SBF2: variants seen among roughly 807,000 people sequenced by gnomAD.
SBF2 encodes SET binding factor 2.
SBF2 carries 112 observed loss-of-function variants against 225.2 expected under a neutral mutation model. That is an observed-to-expected ratio of 0.50 (90% CI 0.43 to 0.58). The LOEUF is 0.58. Among genes scored for constraint, SBF2 ranks in the 20% least tolerant of loss-of-function variants. The pLI, the probability that SBF2 is intolerant of heterozygous loss-of-function variation, is 0.00. For synonymous variants in SBF2, 763 were observed against 773.3 expected (o/e 0.99, Z 0.22); for missense variants, 1,996 against 2,206.2 (o/e 0.90, Z 1.91).
At chr11:10,195,361 G>T (rs944735646) in intron 1 of SBF2, among the ~76,000 whole-genome samples, 1 of 152,166 alleles carries the variant, frequency 6.6e-6, no homozygotes, top group Non-Finnish European at 1.5e-5. Flanking sequence ...ACTTCCCATT[G>T]AACTTTGGGG....
At chr11:10,129,151 T>C (rs1280141349) in intron 2 of SBF2, among the ~76,000 whole-genome samples, 1 of 142,286 alleles carries the variant, frequency 7.0e-6, no homozygotes, top group Non-Finnish European at 1.5e-5. Flanking sequence ...TCCATCAGGC[T>C]GGAGTGCAGT....
intron 1 of SBF2, among the ~76,000 whole-genome samples, chr11:10,227,684 T>C (rs1358947030): frequency 2.0e-5 from 3 of 152,292 alleles, no homozygotes; most frequent in East Asian, 3.9e-4. Context: ...GGTCTATATA[T>C]CTGTTTTGGT....
intron 1 of SBF2, among the ~76,000 whole-genome samples, chr11:10,208,745 A>T (rs565094236): frequency 6.6e-6 from 1 of 152,250 alleles, no homozygotes; most frequent in Admixed American, 6.5e-5. Flanking sequence ...TTAAAATTTC[A>T]GACAAATTTC....
At chr11:10,123,646 ATC>A (rs1953591684) in intron 2 of SBF2, among the ~76,000 whole-genome samples, 2 of 151,978 alleles carry the variant, frequency 1.3e-5, no homozygotes, top group Admixed American at 6.6e-5. Context: ...GTCGAGTTTA[ATC>A]TCTCTCCCCT....
intron 13 of SBF2, among the ~76,000 whole-genome samples, chr11:9,975,930 G>A (rs1177290369): frequency 3.3e-5 from 5 of 152,100 alleles, no homozygotes; most frequent in South Asian, 4.1e-4. Context: ...TGTAAAGGGC[G>A]TAGATTTTAT....
intron 16 of SBF2, among the ~76,000 whole-genome samples, chr11:9,937,670 G>A (rs1864980951): frequency 6.6e-6 from 1 of 151,876 alleles, no homozygotes; most frequent in African/African-American, 2.4e-5. Flanking sequence ...GGGCAAAAAA[G>A]ATATAAAACT....
At chr11:9,796,075 TAC>T in intron 32 of SBF2, 118 bp from the exon 33 acceptor site, 2 of 979,196 alleles carry the variant, frequency 2.0e-6, no homozygotes. Context: ...ACTCAACAAA[TAC>T]CTGAATCCCT....
At chr11:10,017,091 A>G (rs1948682878) in intron 6 of SBF2, 1 of 152,210 alleles carries the variant, frequency 6.6e-6, no homozygotes, top group Non-Finnish European at 1.5e-5. Context: ...CAAAGAGTAA[A>G]ACATTCTGAA....
chr11:9,947,609 A>G (rs886324238), intron 16 of SBF2, among the ~76,000 whole-genome samples: 1 of 152,176 alleles, frequency 6.6e-6, no homozygotes, highest in South Asian at 2.1e-4. Flanking sequence ...GGTGGAAGTG[A>G]AGCGGCATCT....
chr11:10,073,589 C>T (rs577042387), intron 2 of SBF2, among the ~76,000 whole-genome samples: 2 of 152,182 alleles, frequency 1.3e-5, no homozygotes, highest in Non-Finnish European at 2.9e-5. Flanking sequence ...TGGTGGCATG[C>T]ACCTGTAGTC....
At chr11:9,795,523 C>T (rs541597297) in intron 33 of SBF2, among the ~76,000 whole-genome samples, 5 of 152,280 alleles carry the variant, frequency 3.3e-5, no homozygotes, top group African/African-American at 1.2e-4. Context: ...ACCCTTCCTA[C>T]CAGAGTGCAT....
chr11:10,016,239 A>T (rs1948648770), intron 6 of SBF2, among the ~76,000 whole-genome samples: 2 of 152,194 alleles, frequency 1.3e-5, no homozygotes, highest in Admixed American at 6.5e-5. Context: ...TACGTTACTC[A>T]TATTAGTAAA....
At chr11:10,042,685 G>A (rs547281003) in intron 3 of SBF2, among the ~76,000 whole-genome samples, 159 bp downstream of exon 3, 7 of 152,268 alleles carry the variant, frequency 4.6e-5, no homozygotes, top group African/African-American at 1.2e-4. Context: ...ATTTTAACAT[G>A]TTGCTCTCCT....
chr11:9,992,540 C>T lies in SBF2; in HGVS notation c.1171G>A (p.Ala391Thr), dbSNP rs1261244995. The T allele has an allele frequency of 6.2e-7, 1 of 1,610,170 alleles. No homozygotes were observed. Among genetic ancestry groups the T allele is most frequent in the Non-Finnish European group, 8.5e-7 (1 of 1,178,318 alleles). ...AEPVIHFHKT[A>T]FLGQRGLVEN... ...ACCAAACCACGCTGCCCCAAGAATG[C>T]TGTCTGTGAAAAAAGAAAATGTGAA... The change falls in exon 12 of 40, where the codon GCA becomes ACA. Residue 391 changes from alanine to threonine, a missense_variant. Transcript: ENST00000256190.
chr11:9,935,051 A>G (rs7116452), intron 16 of SBF2, among the ~76,000 whole-genome samples: 33,388 of 152,136 alleles, frequency 0.22, 4,202 homozygotes, highest in Non-Finnish European at 0.29. Flanking sequence ...GTATATTTAG[A>G]AAACCCCATC....
chr11:10,037,151 A>G lies in SBF2; in HGVS notation c.279+5693T>C, dbSNP rs534455333. On this transcript the variant is annotated intron_variant, in intron 3 of 39. Transcript: ENST00000256190. ...GCATTCTGTCCATTTGCCAATTCTCATTTTCAAAAGGGGAGGAGAAGACAG... is the reference window on the plus strand; with the variant it reads ...GCATTCTGTCCATTTGCCAATTCTCGTTTTCAAAAGGGGAGGAGAAGACAG... Among the ~76,000 whole-genome samples the G allele has an allele frequency of 2.6e-5, 4 of 152,236 alleles. No individual in the cohort carries two copies. The South Asian group carries it at 8.3e-4, about 32-fold the overall frequency.
intron 6 of SBF2, among the ~76,000 whole-genome samples, chr11:10,026,745 A>AC (rs1949071634): frequency 6.6e-6 from 1 of 151,868 alleles, no homozygotes; most frequent in Admixed American, 6.6e-5. Context: ...CTCCAAAAAA[A>AC]TTTTTTTTGT....
At chr11:9,935,062 G>A (rs536457302) in intron 16 of SBF2, among the ~76,000 whole-genome samples, 21 of 152,210 alleles carry the variant, frequency 1.4e-4, no homozygotes, top group African/African-American at 4.8e-4. Context: ...AAACCCCATC[G>A]TCTCAGCCCA....
chr11:9,946,132 T>C (rs547196248), intron 16 of SBF2, among the ~76,000 whole-genome samples: 45 of 152,206 alleles, frequency 3.0e-4, no homozygotes, highest in Non-Finnish European at 5.7e-4. Flanking sequence ...CAAGTATACC[T>C]GTATGTTCAT....
Sources: gnomAD v4.1 joint callset for allele counts (sites outside exome capture counted in the v4.1 genomes callset) on GRCh38, gnomAD v4.1.1 for gene constraint, MANE v1.5 for transcripts, NCBI Gene and HGNC (gene_info 2026-07-23, HGNC 2026-07-21) for gene names.